The following ARHGAP35 variants were observed in gnomAD, a reference collection of about 807,000 sequenced individuals.
ARHGAP35 encodes the protein rho GTPase-activating protein 35.
A neutral mutation model predicts 111.1 loss-of-function variants in ARHGAP35; 15 were observed. The ratio of observed to expected loss-of-function variants is 0.13; its 90% CI spans 0.09 to 0.21. The LOEUF (loss-of-function observed/expected upper bound fraction) is 0.21. Among genes scored for constraint, ARHGAP35 ranks in the 10% least tolerant of loss-of-function variants. The probability of loss-of-function intolerance (pLI) is 1.00; values close to 1 mark genes in which losing one functional copy is unlikely to be tolerated. For synonymous variants in ARHGAP35, 643 were observed against 710.3 expected, an observed-to-expected ratio of 0.91 and a Z score of 1.51; for missense variants, 1,262 against 1,873.0, an observed-to-expected ratio of 0.67 and a Z score of 6.02.
intron 1 of ARHGAP35, among the ~76,000 whole-genome samples, chr19:46,886,818 T>A (rs1052416097): frequency 4.6e-5 from 7 of 152,236 alleles, no homozygotes; most frequent in African/African-American, 1.7e-4. Context: ...AATCACTGTT[T>A]TCTCCCTTCC....
chr19:46,940,604 CTTT>C (rs112571284), intron 3 of ARHGAP35, among the ~76,000 whole-genome samples: 5 of 139,952 alleles, frequency 3.6e-5, no homozygotes, highest in African/African-American at 1.3e-4. Context: ...TTTGTTTTCC[CTTT>C]TTTTTTTTTT....
intron 1 of ARHGAP35, among the ~76,000 whole-genome samples, chr19:46,888,090 T>C (rs1205508694): frequency 1.3e-5 from 2 of 150,324 alleles, no homozygotes; most frequent in African/African-American, 2.4e-5. Context: ...TAGCTGGGAC[T>C]ACAGGCGCCC....
chr19:46,910,286 A>G (rs923084643), intron 1 of ARHGAP35, among the ~76,000 whole-genome samples: 2 of 150,586 alleles, frequency 1.3e-5, no homozygotes, highest in East Asian at 3.9e-4. Flanking sequence ...TTAATTTTTT[A>G]TTTTTTTTCT....
chr19:46,898,162 A>G (rs1267845263), intron 1 of ARHGAP35, among the ~76,000 whole-genome samples: 1 of 151,936 alleles, frequency 6.6e-6, no homozygotes, highest in Non-Finnish European at 1.5e-5. Context: ...GAATCACTTG[A>G]ACCTGGGAGG....
intron 1 of ARHGAP35, among the ~76,000 whole-genome samples, chr19:46,910,161 A>G (rs1210266263): frequency 6.6e-6 from 1 of 152,140 alleles, no homozygotes; most frequent in Non-Finnish European, 1.5e-5. Flanking sequence ...CACCCAGGCT[A>G]CAGTGCAGTG....
At position 46,920,568 on chromosome 19, in the gene ARHGAP35, A is replaced by G; in HGVS notation, c.1893A>G (p.Lys631=). Residue 631 remains lysine (K), a synonymous_variant, in exon 2 of 7, where the codon AAA becomes AAG. Transcript: ENST00000672722. The surrounding 1 kb of genome is among the most constrained non-coding windows in gnomAD (Gnocchi z 7.0). ...TNDDKYVIDG[K]MYELSLRPIE... ...ATGACAAGTATGTGATAGATGGTAA[A>G]ATGTATGAGCTTTCCCTGAGGCCAA... The G allele has an allele frequency of 6.2e-7, 1 of 1,613,946 alleles. No individual in the cohort carries two copies. The highest frequency in any genetic ancestry group is 8.5e-7 in the Non-Finnish European group (1 of 1,179,840).
At chr19:46,935,241 A>C (rs1158003565) in intron 2 of ARHGAP35, among the ~76,000 whole-genome samples, 1 of 152,166 alleles carries the variant, frequency 6.6e-6, no homozygotes. Flanking sequence ...TATGGAGTAC[A>C]TGGTTCTTCC....
rs538267064 is a variant in ARHGAP35, at chr19:46,972,153, C to T, written c.3827-15836C>T. Among the ~76,000 whole-genome samples, 4 of 152,292 alleles carry T rather than the reference C, an allele frequency of 2.6e-5. No homozygotes were observed. In the South Asian group the frequency reaches 8.3e-4, roughly 32 times the overall value. On this transcript the variant is annotated intron_variant, in intron 3 of 6. Coordinates refer to ENST00000672722, the MANE Select transcript of ARHGAP35 (RefSeq NM_004491.5). ...CCTCCTGAGTAGCTGGGCCTACAGG[C>T]GTGCATCAGCACGCCAGGCTACTTT...
In ARHGAP35 at chr19:47,003,674, C is replaced by G. The variant is rs1001170966; in HGVS notation, c.*2986C>G. 1 of 152,188 alleles carries G rather than the reference C, an allele frequency of 6.6e-6. No individual in the cohort carries two copies. Among genetic ancestry groups the G allele is most frequent in the Non-Finnish European group, 1.5e-5 (1 of 68,042 alleles). The allele number at this position is 152,188 out of a possible 1,614,324, so 9.4% of individuals were successfully genotyped here. ...TGTCTCCGTGCTCTCCTGCCTCCACCGCCTTGGTTTTGCTTCCTGCTGGAG... is the reference window on the plus strand; with the variant it reads ...TGTCTCCGTGCTCTCCTGCCTCCACGGCCTTGGTTTTGCTTCCTGCTGGAG... On this transcript the variant is annotated 3_prime_UTR_variant, in exon 7 of 7. Coordinates refer to ENST00000672722, the MANE Select transcript of ARHGAP35 (RefSeq NM_004491.5).
At chr19:46,985,791 T>A (rs2056645993) in intron 3 of ARHGAP35, among the ~76,000 whole-genome samples, 1 of 152,018 alleles carries the variant, frequency 6.6e-6, no homozygotes, top group Non-Finnish European at 1.5e-5. Context: ...TCCATTAACC[T>A]CCTTTTCTCT....
At chr19:46,893,261 T>C (rs1223337119) in intron 1 of ARHGAP35, among the ~76,000 whole-genome samples, 1 of 152,012 alleles carries the variant, frequency 6.6e-6, no homozygotes, top group African/African-American at 2.4e-5. Flanking sequence ...TAGCCAGCCA[T>C]AAGGTCTTGG....
Position 47,000,997 on chromosome 19 carries a change from C to T in ARHGAP35, c.*309C>T, listed in dbSNP as rs955184678. On this transcript the variant is annotated 3_prime_UTR_variant, in exon 7 of 7. Transcript: ENST00000672722. The surrounding 1 kb of genome is among the most constrained non-coding windows in gnomAD (Gnocchi z 6.9). ...CCACGTAGCTGCTCACACCAGCCTC[C>T]GGGTGCCTCCCTCTGCTTGTACAGA... 204 of 1,479,414 alleles carry T rather than the reference C, an allele frequency of 1.4e-4. 1 individual carries two copies. The highest frequency in any genetic ancestry group is 1.7e-4 in the Middle Eastern group (1 of 5,730). The allele number at this position is 1,479,414 out of a possible 1,614,324, so 91.6% of individuals were successfully genotyped here.
At chr19:46,939,567 A>C (rs1363047677) in intron 3 of ARHGAP35, among the ~76,000 whole-genome samples, 1 of 151,398 alleles carries the variant, frequency 6.6e-6, no homozygotes, top group Non-Finnish European at 1.5e-5. Flanking sequence ...GCACCACCAC[A>C]CCTGGCTAAT....
At chr19:46,891,039 G>T (rs564798237) in intron 1 of ARHGAP35, among the ~76,000 whole-genome samples, 63 of 152,190 alleles carry the variant, frequency 4.1e-4, no homozygotes, top group Admixed American at 9.2e-4. Context: ...AGGTAGGATA[G>T]TTGGGCTTTG....
At position 46,888,292 on chromosome 19, in the gene ARHGAP35, AT is replaced by A. The variant is rs2056004512; in HGVS notation, c.-189+27084del. Among the ~76,000 whole-genome samples, 5 of 65,980 alleles carry A rather than the reference AT, an allele frequency of 7.6e-5. 1 individual carries two copies. The East Asian group carries it at 1.2e-3, about 16-fold the overall frequency. 43.3% of individuals were successfully genotyped at this position (65,980 alleles called of 152,430 possible). On this transcript the variant is annotated intron_variant, in intron 1 of 6. Coordinates refer to ENST00000672722, the MANE Select transcript of ARHGAP35 (RefSeq NM_004491.5). The stretch of plus-strand genomic sequence containing the variant: ...TATATATATATATATATATATATAT[AT>A]ATATATATATATATATATATATATA...
chr19:46,972,527 G>C (rs917190970), intron 3 of ARHGAP35, among the ~76,000 whole-genome samples: 3 of 152,202 alleles, frequency 2.0e-5, no homozygotes, highest in African/African-American at 7.2e-5. Flanking sequence ...ACAGCCTTTC[G>C]TGAGAGGTAC....
intron 3 of ARHGAP35, among the ~76,000 whole-genome samples, chr19:46,955,244 G>A (rs2056432937): frequency 6.6e-6 from 1 of 152,088 alleles, no homozygotes; most frequent in Non-Finnish European, 1.5e-5. Context: ...GGGATAGTGG[G>A]GCATTATATT....
At chr19:46,865,569 G>A (rs2055851170) in intron 1 of ARHGAP35, among the ~76,000 whole-genome samples, 1 of 152,184 alleles carries the variant, frequency 6.6e-6, no homozygotes, top group Non-Finnish European at 1.5e-5. Flanking sequence ...CACAGCCTGG[G>A]AAGGGTGGGG....
rs2056746414 is a variant in ARHGAP35 at position 47,001,185 on chromosome 19, C to T, written c.*497C>T. On this transcript the variant is annotated 3_prime_UTR_variant, in exon 7 of 7. Transcript: ENST00000672722. The surrounding 1 kb of genome is among the most constrained non-coding windows in gnomAD (Gnocchi z 5.4). ...GGTAAGGGTACAGCCCGGCTGGCGG[C>T]CTCCTTGGGAACGTGTAGGCCACGG... 8.0e-7 allele frequency: 1 copy of T among 1,245,794 alleles called. No homozygotes were observed. 77.2% of individuals were successfully genotyped at this position (1,245,794 alleles called of 1,614,324 possible).
Sources: allele counts gnomAD v4.1 joint callset (sites outside exome capture counted in the v4.1 genomes callset), GRCh38; gene constraint gnomAD v4.1.1; non-coding constraint Gnocchi (gnomAD v3.1); transcripts MANE v1.5; gene names NCBI Gene and HGNC (gene_info 2026-07-23, HGNC 2026-07-21).